ATP8B4: variants seen among roughly 807,000 people sequenced by gnomAD.
The protein encoded by ATP8B4 is probable phospholipid-transporting ATPase IM.
Under a neutral mutation model 145.6 loss-of-function variants are expected in ATP8B4, and 133 were observed. The observed-to-expected ratio is 0.91, with a 90% CI of 0.79 to 1.05. The LOEUF is 1.05. ATP8B4 is among the 50% of genes least tolerant of loss of function. The probability of loss-of-function intolerance (pLI) is 0.00; values close to 1 mark genes in which losing one functional copy is unlikely to be tolerated. For missense variants in ATP8B4, 1,458 were observed against 1,425.2 expected (o/e 1.02, Z -0.37); for synonymous variants, 507 against 492.9 (o/e 1.03, Z -0.38).
intron 10 of ATP8B4, among the ~76,000 whole-genome samples, chr15:49,983,662 A>G (rs1240299978): frequency 6.6e-6 from 1 of 152,204 alleles, no homozygotes; most frequent in African/African-American, 2.4e-5. Flanking sequence ...AGCTTTTCAC[A>G]ATTAACACAT....
At chr15:50,043,730 G>T (rs1015012287) in intron 5 of ATP8B4, among the ~76,000 whole-genome samples, 1 of 151,582 alleles carries the variant, frequency 6.6e-6, no homozygotes, top group Non-Finnish European at 1.5e-5. Context: ...GAGGCAGGTG[G>T]ATCATGAGGT....
At chr15:50,114,095 C>T (rs1168947847) in intron 1 of ATP8B4, among the ~76,000 whole-genome samples, 1 of 48,394 alleles carries the variant, frequency 2.1e-5, no homozygotes, top group Non-Finnish European at 5.0e-5. Flanking sequence ...TTCTTGGTCT[C>T]CTAGTTTCTT....
intron 3 of ATP8B4, among the ~76,000 whole-genome samples, chr15:50,065,424 A>G (rs1357123585): frequency 6.6e-6 from 1 of 152,200 alleles, no homozygotes; most frequent in Non-Finnish European, 1.5e-5. Context: ...CATTTGGTCC[A>G]GTAAAGAAGA....
chr15:49,975,667 G>T (rs1285319424), intron 12 of ATP8B4, among the ~76,000 whole-genome samples: 1 of 152,082 alleles, frequency 6.6e-6, no homozygotes, highest in Admixed American at 6.6e-5. Context: ...AATTGTTGTT[G>T]TCTAAAAGAA....
chr15:50,098,266 A>ATTT lies in ATP8B4; in HGVS notation c.28+8670_28+8672dup, dbSNP rs71124319. 7.2e-5 allele frequency among the ~76,000 whole-genome samples: 3 copies of ATTT among 41,766 alleles called. 1 individual carries two copies. The highest frequency in any genetic ancestry group is 2.5e-4 in the African/African-American group (3 of 11,908). The allele number at this position is 41,766 out of a possible 152,430, so 27.4% of individuals were successfully genotyped here. A position where few individuals can be genotyped will look rare whatever the true frequency, so the allele number is the denominator to read the frequency against. On this transcript the variant is annotated intron_variant, in intron 2 of 27. Coordinates refer to ENST00000284509, the MANE Select transcript of ATP8B4 (RefSeq NM_024837.4). The stretch of plus-strand genomic sequence containing the variant: ...CCATACAGTTCTGTATTGTCAGGTG[A>ATTT]TTTTTTTTTTTTTTTTTTTTTTTTT...
At chr15:50,144,721 T>C (rs953415823) in intron 1 of ATP8B4, among the ~76,000 whole-genome samples, 7 of 152,026 alleles carry the variant, frequency 4.6e-5, no homozygotes, top group Non-Finnish European at 2.9e-5. Context: ...AATAACCTAA[T>C]ATGAGATGAC....
At chr15:50,015,103 G>A (rs2048991070) in intron 6 of ATP8B4, among the ~76,000 whole-genome samples, 1 of 152,136 alleles carries the variant, frequency 6.6e-6, no homozygotes, top group Admixed American at 6.6e-5. Context: ...GTCTATATGT[G>A]CTAATATGAA....
chr15:50,148,230 T>C (rs2044303829), intron 1 of ATP8B4, among the ~76,000 whole-genome samples: 1 of 152,132 alleles, frequency 6.6e-6, no homozygotes, highest in African/African-American at 2.4e-5. Context: ...AAAATGTTAA[T>C]GTCAATTAAA....
In ATP8B4 at chr15:49,961,972, C is replaced by T; in HGVS notation, c.1287+5G>A. The stretch of plus-strand genomic sequence containing the variant: ...ACTAAGAATAAAATTTTATCACTTC[C>T]ACACCTGAGTTATTTCTGTCTTCTG... On this transcript the variant is annotated splice_donor_5th_base_variant and intron_variant, in intron 14 of 27. Transcript: ENST00000284509. 6.3e-7 allele frequency: 1 copy of T among 1,590,378 alleles called. No individual in the cohort carries two copies.
intron 14 of ATP8B4, among the ~76,000 whole-genome samples, chr15:49,944,073 T>G (rs537845354): frequency 8.3e-4 from 125 of 151,004 alleles, no homozygotes; most frequent in Non-Finnish European, 4.1e-4. Context: ...AGAACTTACA[T>G]AAAAGAAAAA....
intron 1 of ATP8B4, among the ~76,000 whole-genome samples, chr15:50,180,661 T>C (rs1485285155): frequency 6.6e-6 from 1 of 152,124 alleles, no homozygotes; most frequent in Non-Finnish European, 1.5e-5. Context: ...AGCTTCACCA[T>C]GAAAGAAGTG....
At chr15:50,137,313 G>C (rs1488362010) in intron 1 of ATP8B4, among the ~76,000 whole-genome samples, 1 of 152,154 alleles carries the variant, frequency 6.6e-6, no homozygotes, top group Non-Finnish European at 1.5e-5. Flanking sequence ...GGAATGTTTT[G>C]AGAGAAGCTG....
chr15:50,055,096 A>T (rs1346056413), intron 3 of ATP8B4, among the ~76,000 whole-genome samples: 1 of 152,174 alleles, frequency 6.6e-6, no homozygotes, highest in Non-Finnish European at 1.5e-5. Flanking sequence ...TTTCTATTGC[A>T]TTCCAATCTG....
chr15:50,004,616 A>G (rs2048169674), intron 7 of ATP8B4, among the ~76,000 whole-genome samples: 1 of 152,198 alleles, frequency 6.6e-6, no homozygotes, highest in Non-Finnish European at 1.5e-5. Context: ...GCACCATCCT[A>G]AGAGCTTCAC....
chr15:49,888,842 T>C (rs2036493132), intron 23 of ATP8B4, among the ~76,000 whole-genome samples: 1 of 152,158 alleles, frequency 6.6e-6, no homozygotes, highest in South Asian at 2.1e-4. Flanking sequence ...ATTTAATTTG[T>C]TTCTCAGTGG....
At chr15:49,966,218 T>C (rs1472722580) in intron 13 of ATP8B4, among the ~76,000 whole-genome samples, 1 of 152,176 alleles carries the variant, frequency 6.6e-6, no homozygotes, top group African/African-American at 2.4e-5. Context: ...CCAAGCTAGC[T>C]GCAGGAGTTT....
At chr15:50,128,819 G>C (rs1264664382) in intron 1 of ATP8B4, among the ~76,000 whole-genome samples, 2 of 152,172 alleles carry the variant, frequency 1.3e-5, no homozygotes, top group Non-Finnish European at 2.9e-5. Context: ...CAGCACTTTG[G>C]GAGGCCAAGG....
At chr15:50,159,963 T>C (rs1394823710) in intron 1 of ATP8B4, among the ~76,000 whole-genome samples, 2 of 151,768 alleles carry the variant, frequency 1.3e-5, no homozygotes, top group East Asian at 3.9e-4. Context: ...TTGAGTCGGA[T>C]TGATATTGGT....
intron 21 of ATP8B4, 38 bp from the exon 22 acceptor site, chr15:49,898,289 A>C (rs1489157005): frequency 2.5e-6 from 4 of 1,575,276 alleles, no homozygotes; most frequent in Middle Eastern, 1.7e-4. Context: ...AAGAACAGGA[A>C]ACAATAAATG....
Sources: gnomAD v4.1 joint callset for allele counts (sites outside exome capture counted in the v4.1 genomes callset) on GRCh38, gnomAD v4.1.1 for gene constraint, MANE v1.5 for transcripts, NCBI Gene and HGNC (gene_info 2026-07-23, HGNC 2026-07-21) for gene names.